KHDRBS2: variants seen among roughly 807,000 people sequenced by gnomAD.
KHDRBS2 encodes the protein KH domain-containing, RNA-binding, signal transduction-associated protein 2.
Under a neutral mutation model 44.3 loss-of-function variants are expected in KHDRBS2, and 26 were observed. That is an observed-to-expected ratio of 0.59 (90% CI 0.43 to 0.81). The LOEUF (loss-of-function observed/expected upper bound fraction) is 0.81, where lower values mean the gene tolerates loss of function less well. KHDRBS2 is among the 40% of genes least tolerant of loss of function. The pLI is 0.00. For synonymous variants in KHDRBS2, 194 were observed against 151.1 expected (o/e 1.28, Z -2.08); for missense variants, 476 against 433.1 (o/e 1.10, Z -0.88).
chr6:61,871,063 G>C (rs1363522355), intron 6 of KHDRBS2, among the ~76,000 whole-genome samples: 2 of 152,124 alleles, frequency 1.3e-5, no homozygotes, highest in Non-Finnish European at 2.9e-5. Context: ...ATTCCTCTGA[G>C]CTAAAGGAGC....
chr6:62,023,960 A>T (rs1363180405), intron 3 of KHDRBS2, among the ~76,000 whole-genome samples: 1 of 151,274 alleles, frequency 6.6e-6, no homozygotes, highest in East Asian at 1.9e-4. Flanking sequence ...TATTTGCATC[A>T]TCATGGAATT....
intron 6 of KHDRBS2, among the ~76,000 whole-genome samples, chr6:61,778,912 T>A (rs904539199): frequency 6.6e-6 from 1 of 152,230 alleles, no homozygotes; most frequent in East Asian, 1.9e-4. Context: ...ACTGCTTTGC[T>A]CACTGACAAT....
intron 6 of KHDRBS2, among the ~76,000 whole-genome samples, chr6:61,840,533 G>T (rs576845750): frequency 2.9e-4 from 44 of 152,190 alleles, no homozygotes; most frequent in African/African-American, 1.1e-3. Context: ...CCACAACCAA[G>T]ATGCCACCAG....
At chr6:62,067,314 TA>T (rs1793962095) in intron 2 of KHDRBS2, among the ~76,000 whole-genome samples, 2 of 151,698 alleles carry the variant, frequency 1.3e-5, no homozygotes, top group South Asian at 4.1e-4. Flanking sequence ...CTACATATTT[TA>T]AAGGAAGTTT....
intron 5 of KHDRBS2, among the ~76,000 whole-genome samples, chr6:61,898,530 C>G (rs1803350228): frequency 6.6e-6 from 1 of 151,858 alleles, no homozygotes; most frequent in Non-Finnish European, 1.5e-5. Context: ...TATCTTAACA[C>G]TATGAGAGAA....
chr6:62,061,525 G>T (rs1198134650), intron 2 of KHDRBS2, among the ~76,000 whole-genome samples: 3 of 148,266 alleles, frequency 2.0e-5, no homozygotes, highest in Admixed American at 6.7e-5. Context: ...GGCTTGTAGG[G>T]TTTCTGCCAA....
the KHDRBS2 span, among the ~76,000 whole-genome samples, chr6:61,619,624 T>C: frequency 6.6e-6 from 1 of 152,242 alleles, no homozygotes; most frequent in East Asian, 1.9e-4. Flanking sequence ...CTGGCTAATT[T>C]TGTATTTTCA....
chr6:61,936,758 A>G (rs1172242376), intron 4 of KHDRBS2, among the ~76,000 whole-genome samples: 2 of 151,944 alleles, frequency 1.3e-5, no homozygotes, highest in African/African-American at 4.8e-5. Context: ...ATTTCCTGTC[A>G]GTGCTTTGGA....
At chr6:61,937,247 T>C (rs1375285791) in intron 4 of KHDRBS2, among the ~76,000 whole-genome samples, 1 of 152,004 alleles carries the variant, frequency 6.6e-6, no homozygotes, top group East Asian at 1.9e-4. Flanking sequence ...AAAATTTACA[T>C]TTGGGTTTTC....
chr6:62,194,262 C>T (rs1004031309), intron 1 of KHDRBS2, among the ~76,000 whole-genome samples: 2 of 151,730 alleles, frequency 1.3e-5, no homozygotes, highest in Non-Finnish European at 2.9e-5. Flanking sequence ...GGATAAGAGT[C>T]CAACTTCATT....
At position 61,697,123 on chromosome 6, in the gene KHDRBS2, G is replaced by T. The variant is rs1046961556; in HGVS notation, c.952+72C>A. 8 of 994,386 alleles carry T rather than the reference G, an allele frequency of 8.0e-6. No homozygotes were observed. The African/African-American group carries it at 1.3e-4, about 16-fold the overall frequency. The allele number at this position is 994,386 out of a possible 1,614,324, so 61.6% of individuals were successfully genotyped here. On this transcript the variant is annotated intron_variant, in intron 8 of 8. Transcript: ENST00000281156. ...TGGAAAAACTAGGGGGAGAAAGATG[G>T]AAATAATGTTTGAATTGTCGGTGAC...
chr6:61,778,232 T>G (rs993005035), intron 6 of KHDRBS2, among the ~76,000 whole-genome samples: 1 of 152,178 alleles, frequency 6.6e-6, no homozygotes, highest in African/African-American at 2.4e-5. Flanking sequence ...GAGGATTCGT[T>G]TAACTCCGTG....
chr6:61,810,952 G>A (rs1030710579), intron 6 of KHDRBS2, among the ~76,000 whole-genome samples: 2 of 151,978 alleles, frequency 1.3e-5, no homozygotes, highest in Admixed American at 1.3e-4. Context: ...TATTTTTTAA[G>A]TTAGAATTTC....
chr6:62,112,241 A>G (rs547447225), intron 2 of KHDRBS2, among the ~76,000 whole-genome samples: 240 of 152,274 alleles, frequency 1.6e-3, no homozygotes, highest in African/African-American at 5.4e-3. Context: ...TAAAGTTGAC[A>G]TTTATACTTG....
chr6:61,771,841 T>C (rs576556990), intron 6 of KHDRBS2, among the ~76,000 whole-genome samples: 23 of 152,178 alleles, frequency 1.5e-4, no homozygotes, highest in African/African-American at 3.1e-4. Flanking sequence ...GCGGACCTAA[T>C]AGAAATCTAC....
the KHDRBS2 span, among the ~76,000 whole-genome samples, chr6:61,592,125 A>G: frequency 2.4e-3 from 350 of 143,246 alleles, 2 homozygotes; most frequent in African/African-American, 8.7e-3. Context: ...CAGGAGATTG[A>G]GGCTGCAGCG....
At chr6:62,054,018 A>G (rs1344712412) in intron 2 of KHDRBS2, among the ~76,000 whole-genome samples, 1 of 152,092 alleles carries the variant, frequency 6.6e-6, no homozygotes, top group Non-Finnish European at 1.5e-5. Context: ...AAACCTTTAC[A>G]GAACATGTAT....
At chr6:62,092,722 A>T (rs1218384094) in intron 2 of KHDRBS2, among the ~76,000 whole-genome samples, 1 of 152,170 alleles carries the variant, frequency 6.6e-6, no homozygotes, top group Non-Finnish European at 1.5e-5. Context: ...ATTTACAGGC[A>T]AAGTGTAAAA....
intron 1 of KHDRBS2, among the ~76,000 whole-genome samples, chr6:62,275,417 T>C (rs951651873): frequency 6.6e-6 from 1 of 152,208 alleles, no homozygotes; most frequent in Non-Finnish European, 1.5e-5. Context: ...TCTGGAGACA[T>C]GGATGATTCT....
Sources: allele counts gnomAD v4.1 joint callset (sites outside exome capture counted in the v4.1 genomes callset), GRCh38; gene constraint gnomAD v4.1.1; transcripts MANE v1.5; gene names NCBI Gene and HGNC (gene_info 2026-07-23, HGNC 2026-07-21).